Variants in SLC1A4 observed in about 807,000 individuals in gnomAD.
The protein encoded by SLC1A4 is neutral amino acid transporter A.
In SLC1A4, 19 loss-of-function variants were observed where a neutral mutation model predicts 37.7. The ratio of observed to expected loss-of-function variants is 0.50; its 90% confidence interval spans 0.35 to 0.74. The LOEUF is 0.74. Among genes scored for constraint, SLC1A4 ranks in the 30% least tolerant of loss-of-function variants. The pLI is 0.01. For synonymous variants in SLC1A4, 299 were observed against 309.8 expected (o/e 0.97, Z 0.37); for missense variants, 570 against 712.9 (o/e 0.80, Z 2.28).
At chr2:64,995,142 G>C (rs1434283797) in intron 1 of SLC1A4, among the ~76,000 whole-genome samples, 1 of 152,168 alleles carries the variant, frequency 6.6e-6, no homozygotes, top group Non-Finnish European at 1.5e-5. Context: ...CACCTGAATA[G>C]TTTAGAGACA....
intron 7 of SLC1A4, among the ~76,000 whole-genome samples, chr2:65,020,116 G>C (rs1674354122): frequency 6.6e-6 from 1 of 152,214 alleles, no homozygotes; most frequent in African/African-American, 2.4e-5. Context: ...ATTTATATTT[G>C]CCGATGGCAA....
chr2:65,005,015 T>TG (rs1673621376), intron 3 of SLC1A4, among the ~76,000 whole-genome samples: 1 of 152,232 alleles, frequency 6.6e-6, no homozygotes, highest in Non-Finnish European at 1.5e-5. Flanking sequence ...TAACACTTGT[T>TG]GAAGTTCGGA....
At position 65,018,536 on chromosome 2, in the gene SLC1A4, A is replaced by G. The variant is rs1376267100; in HGVS notation, c.1230-9A>G. The G allele has an allele frequency of 1.2e-6, 2 of 1,613,998 alleles. No individual in the cohort carries two copies. Among genetic ancestry groups the G allele is most frequent in the South Asian group, 2.2e-5 (2 of 91,068 alleles). ...TGTTAATGGCTGGCCCTGCTCTGCC[A>G]TCCCTTAGAGTGACTGCCACAGCGT... On this transcript the variant is annotated splice_polypyrimidine_tract_variant and intron_variant, in intron 6 of 7. Transcript: ENST00000234256. The surrounding 1 kb of genome is among the most constrained non-coding windows in gnomAD (Gnocchi z 4.3).
intron 1 of SLC1A4, among the ~76,000 whole-genome samples, chr2:64,993,285 G>A (rs2103631610): frequency 6.6e-6 from 1 of 152,310 alleles, no homozygotes; most frequent in East Asian, 1.9e-4. Context: ...GGGTCTCTCT[G>A]TCATGATTTC....
At chr2:65,013,561 C>T (rs370471887) in intron 4 of SLC1A4, among the ~76,000 whole-genome samples, 4 of 152,176 alleles carry the variant, frequency 2.6e-5, no homozygotes, top group African/African-American at 9.7e-5. Context: ...TTAGTCATTC[C>T]TTCAATTTGA....
At chr2:64,989,337 G>A (rs2103623303), upstream of SLC1A4, 2 of 261,594 alleles carry the variant, frequency 7.6e-6, no homozygotes, top group East Asian at 6.9e-5. Context: ...AGCGGGCTGG[G>A]GCCGCTGGCG....
At chr2:65,019,116 T>C (rs1348082732) in intron 7 of SLC1A4, among the ~76,000 whole-genome samples, 2 of 152,076 alleles carry the variant, frequency 1.3e-5, no homozygotes, top group Non-Finnish European at 2.9e-5. Flanking sequence ...CTGATGTGAG[T>C]GACTTGGGCT....
At chr2:64,996,717 G>T (rs181061097) in intron 1 of SLC1A4, among the ~76,000 whole-genome samples, 5 of 152,360 alleles carry the variant, frequency 3.3e-5, no homozygotes, top group African/African-American at 1.2e-4. Context: ...CAGTTGGACA[G>T]TGCTGGCCTA....
chr2:65,002,609 A>G (rs111352914), intron 2 of SLC1A4, among the ~76,000 whole-genome samples: 14,234 of 96,396 alleles, frequency 0.15, 2,263 homozygotes, highest in East Asian at 0.49. Flanking sequence ...ACAGAGTCTC[A>G]CTCTGTTGCC....
At chr2:65,009,446 C>T (rs1185759686) in intron 3 of SLC1A4, among the ~76,000 whole-genome samples, 1 of 152,050 alleles carries the variant, frequency 6.6e-6, no homozygotes, top group African/African-American at 2.4e-5. Flanking sequence ...TGAAAAGCTA[C>T]TCCATCACAA....
chr2:65,021,209 G>C lies in SLC1A4; in HGVS notation c.*63G>C, dbSNP rs1674407650. 1.5e-6 allele frequency: 2 copies of C among 1,376,570 alleles called. No individual in the cohort carries two copies. Among genetic ancestry groups the C allele is most frequent in the African/African-American group, 1.4e-5 (1 of 70,002 alleles). The allele number at this position is 1,376,570 out of a possible 1,614,324, so 85.3% of individuals were successfully genotyped here. ...TCCCACCCTGTTCACCCAGCCGCCAGTCATGGACACAGGGCACTGCCCTTG... is the reference window on the plus strand; with the variant it reads ...TCCCACCCTGTTCACCCAGCCGCCACTCATGGACACAGGGCACTGCCCTTG... On this transcript the variant is annotated 3_prime_UTR_variant, in exon 8 of 8. Coordinates refer to ENST00000234256, the MANE Select transcript of SLC1A4 (RefSeq NM_003038.5).
chr2:64,997,703 C>G (rs559276316), intron 1 of SLC1A4, among the ~76,000 whole-genome samples: 1 of 152,292 alleles, frequency 6.6e-6, no homozygotes, highest in African/African-American at 2.4e-5. Context: ...ATCTTTGTAT[C>G]CCTTCATCTG....
chr2:65,013,244 C>T (rs970304907), intron 4 of SLC1A4, among the ~76,000 whole-genome samples: 11 of 152,114 alleles, frequency 7.2e-5, no homozygotes, highest in Admixed American at 1.3e-4. Context: ...GTTTTTGAGA[C>T]GGAGTTTCAC....
At chr2:65,002,797 C>T (rs1168676852) in intron 2 of SLC1A4, among the ~76,000 whole-genome samples, 3 of 151,846 alleles carry the variant, frequency 2.0e-5, no homozygotes, top group African/African-American at 4.8e-5. Flanking sequence ...AGGATGGTCT[C>T]GATCTCCTGA....
At chr2:65,013,651 T>C (rs942241918) in intron 4 of SLC1A4, among the ~76,000 whole-genome samples, 1 of 152,238 alleles carries the variant, frequency 6.6e-6, no homozygotes, top group African/African-American at 2.4e-5. Context: ...GAGAGACCTG[T>C]TGCTCAGAAA....
upstream of SLC1A4, among the ~76,000 whole-genome samples, chr2:64,989,105 GAGCCGGCCTCCGTT>G (rs1371858960): frequency 6.6e-6 from 1 of 152,036 alleles, no homozygotes; most frequent in Non-Finnish European, 1.5e-5. Context: ...CGGTCGCCCG[GAGCCGGCCTCCGTT>G]AGCCGGGCGG....
At chr2:64,993,714 A>G (rs1673145456) in intron 1 of SLC1A4, among the ~76,000 whole-genome samples, 2 of 152,230 alleles carry the variant, frequency 1.3e-5, no homozygotes, top group South Asian at 4.1e-4. Flanking sequence ...GGTCCCTAAC[A>G]ATGCTTACTG....
In SLC1A4 at chr2:64,994,936, T is replaced by G. The variant is rs1458810219; in HGVS notation, c.527+4766T>G. 4 of 152,204 alleles carry G rather than the reference T, an allele frequency of 2.6e-5. No individual in the cohort carries two copies. The East Asian group carries it at 7.7e-4, about 29-fold the overall frequency. The allele number at this position is 152,204 out of a possible 1,614,324, so 9.4% of individuals were successfully genotyped here. A position where few individuals can be genotyped will look rare whatever the true frequency, so the allele number is the denominator to read the frequency against. On this transcript the variant is annotated intron_variant, in intron 1 of 7. Transcript: ENST00000234256. ...TGAGTTGTGAACAATTTCTTTACAT[T>G]ATTGACTGTGGCGGGTTGTTGTAAC... is the stretch of plus-strand genomic sequence containing the variant.
At position 65,018,513 on chromosome 2, in the gene SLC1A4, T is replaced by A; in HGVS notation, c.1230-32T>A. ...CTCTGTGTCCACTCCACGCTCTATG[T>A]TAATGGCTGGCCCTGCTCTGCCATC... On this transcript the variant is annotated intron_variant, in intron 6 of 7. Coordinates refer to ENST00000234256, the MANE Select transcript of SLC1A4 (RefSeq NM_003038.5). The surrounding 1 kb of genome is among the most constrained non-coding windows in gnomAD (Gnocchi z 4.3). 1 of 1,612,538 alleles carries A rather than the reference T, an allele frequency of 6.2e-7. No individual in the cohort carries two copies. Among genetic ancestry groups the A allele is most frequent in the Non-Finnish European group, 8.5e-7 (1 of 1,179,244 alleles).
Sources: allele counts gnomAD v4.1 joint callset (sites outside exome capture counted in the v4.1 genomes callset), GRCh38; gene constraint gnomAD v4.1.1; non-coding constraint Gnocchi (gnomAD v3.1); transcripts MANE v1.5; gene names NCBI Gene and HGNC (gene_info 2026-07-23, HGNC 2026-07-21).